The following ALK variants were observed in gnomAD, a reference collection of about 807,000 sequenced individuals.
ALK encodes ALK tyrosine kinase receptor.
In ALK, 74 loss-of-function variants were observed where a neutral mutation model predicts 163.1. That is an observed-to-expected ratio of 0.45 (90% CI 0.38 to 0.55). The LOEUF is 0.55. Among genes scored for constraint, ALK ranks in the 20% least tolerant of loss-of-function variants. ALK has a pLI of 0.00. For synonymous variants in ALK, 960 were observed against 843.2 expected (o/e 1.14, Z -2.40); for missense variants, 2,063 against 2,105.3 (o/e 0.98, Z 0.39).
intron 1 of ALK, among the ~76,000 whole-genome samples, chr2:29,860,299 G>A (rs113563258): frequency 1.9e-4 from 28 of 150,378 alleles, no homozygotes; most frequent in Admixed American, 2.0e-4. Context: ...AACTGCCTAC[G>A]TTAGCTCTTG....
At chr2:29,866,158 C>A (rs905350504) in intron 1 of ALK, among the ~76,000 whole-genome samples, 1 of 152,096 alleles carries the variant, frequency 6.6e-6, no homozygotes, top group Non-Finnish European at 1.5e-5. Flanking sequence ...GCAGACTGAC[C>A]CCAACCAGCC....
At chr2:29,644,396 A>G (rs1348692371) in intron 3 of ALK, among the ~76,000 whole-genome samples, 1 of 145,600 alleles carries the variant, frequency 6.9e-6, no homozygotes, top group Non-Finnish European at 1.5e-5. Context: ...CTTAAAGTAT[A>G]TTTAAAAAAA....
Position 29,666,316 on chromosome 2 carries a change from CT to C in ALK, c.952+28533del, listed in dbSNP as rs1282139025. On this transcript the variant is annotated intron_variant, in intron 3 of 28. Transcript: ENST00000389048. ...TACTAGATGGTCGTTTCTAGGGTCC[CT>C]TTTTTTTCTCCCCACTGCTTTGAAA... 3.3e-5 allele frequency among the ~76,000 whole-genome samples: 5 copies of C among 151,644 alleles called. 1 individual carries two copies. The East Asian group carries it at 7.8e-4, about 24-fold the overall frequency.
intron 1 of ALK, among the ~76,000 whole-genome samples, chr2:29,748,692 C>T (rs1294521370): frequency 6.6e-6 from 1 of 151,986 alleles, no homozygotes; most frequent in Non-Finnish European, 1.5e-5. Context: ...AATAGGTATC[C>T]CTCAGTGATT....
intron 1 of ALK, among the ~76,000 whole-genome samples, chr2:29,813,488 C>A (rs1664811252): frequency 6.6e-6 from 1 of 152,084 alleles, no homozygotes; most frequent in African/African-American, 2.4e-5. Flanking sequence ...CTCAAGGTTG[C>A]ATATTCTTGT....
intron 1 of ALK, among the ~76,000 whole-genome samples, chr2:29,887,289 A>G (rs1667009771): frequency 1.3e-5 from 2 of 152,218 alleles, no homozygotes; most frequent in Admixed American, 1.3e-4. Context: ...ATGCCTGACA[A>G]TCTAGCAAGA....
rs115732696 is a variant in ALK at position 29,501,929 on chromosome 2, T to C, written c.1154+29986A>G. On this transcript the variant is annotated intron_variant, in intron 4 of 28. Transcript: ENST00000389048. ...GGTGCCTCACATGAGTGGAATTGTATAGTATTTGTCTTTATGTGTCTGGTT... is the reference window on the plus strand; with the variant it reads ...GGTGCCTCACATGAGTGGAATTGTACAGTATTTGTCTTTATGTGTCTGGTT... Among the ~76,000 whole-genome samples, 983 of 152,352 alleles carry C rather than the reference T, an allele frequency of 6.5e-3. 17 individuals carry two copies. Among genetic ancestry groups the C allele is most frequent in the African/African-American group, 0.022 (921 of 41,578 alleles).
chr2:29,740,720 G>A (rs541203221), intron 1 of ALK, among the ~76,000 whole-genome samples: 2 of 152,312 alleles, frequency 1.3e-5, no homozygotes, highest in South Asian at 2.1e-4. Context: ...TGTGCTATTA[G>A]GCTAGGCGTG....
chr2:29,723,291 T>G (rs115691376), intron 1 of ALK, among the ~76,000 whole-genome samples: 2,457 of 152,304 alleles, frequency 0.016, 60 homozygotes, highest in African/African-American at 0.056. Context: ...GGCAGTTCTC[T>G]CAGCCGAGGA....
intron 5 of ALK, among the ~76,000 whole-genome samples, chr2:29,353,704 T>A (rs1485365514): frequency 6.6e-6 from 1 of 151,700 alleles, no homozygotes; most frequent in African/African-American, 2.4e-5. Context: ...GTGGAGAAGG[T>A]CATGATGAAG....
At chr2:29,259,304 G>T (rs1392886867) in intron 11 of ALK, among the ~76,000 whole-genome samples, 2 of 151,820 alleles carry the variant, frequency 1.3e-5, no homozygotes, top group African/African-American at 4.8e-5. Flanking sequence ...CTGTGATTTT[G>T]TGTACTGTAC....
At chr2:29,238,552 C>A (rs751387842) in intron 13 of ALK, among the ~76,000 whole-genome samples, 4 of 152,136 alleles carry the variant, frequency 2.6e-5, no homozygotes, top group African/African-American at 4.8e-5. Context: ...TGTCTAGACA[C>A]CATTTTTTCT....
chr2:29,566,012 G>A (rs1674176221), intron 3 of ALK, among the ~76,000 whole-genome samples: 1 of 152,174 alleles, frequency 6.6e-6, no homozygotes, highest in Non-Finnish European at 1.5e-5. Flanking sequence ...GTGTCAAGCT[G>A]TGGAAGGTCT....
Position 29,778,049 on chromosome 2 carries a change from G to A in ALK, c.668-60352C>T, listed in dbSNP as rs1271778774. Reference sequence around the variant, plus strand: ...CTCCAGGTAGGGAATTATTGCTGAGGAAGCTTACAAACACACCAGAATTAC... The same window carrying A: ...CTCCAGGTAGGGAATTATTGCTGAGAAAGCTTACAAACACACCAGAATTAC... On this transcript the variant is annotated intron_variant, in intron 1 of 28. Transcript: ENST00000389048. Among the ~76,000 whole-genome samples, 5 of 152,220 alleles carry A rather than the reference G, an allele frequency of 3.3e-5. No individual in the cohort carries two copies. The East Asian group carries it at 7.7e-4, about 23-fold the overall frequency.
At chr2:29,674,591 G>A (rs1162440673) in intron 3 of ALK, among the ~76,000 whole-genome samples, 4 of 150,802 alleles carry the variant, frequency 2.7e-5, no homozygotes, top group African/African-American at 7.3e-5. Flanking sequence ...ATTTTATTGA[G>A]GATTTTTGCA....
intron 1 of ALK, among the ~76,000 whole-genome samples, chr2:29,824,577 G>A (rs1318402794): frequency 2.0e-5 from 3 of 152,240 alleles, no homozygotes; most frequent in African/African-American, 7.2e-5. Context: ...ACGGAGTCAA[G>A]GGAGATCATT....
chr2:29,311,651 C>T (rs1666697632), intron 8 of ALK, among the ~76,000 whole-genome samples: 1 of 152,226 alleles, frequency 6.6e-6, no homozygotes, highest in Admixed American at 6.5e-5. Context: ...AGCTGTCCCA[C>T]TCCCAGGAGC....
At chr2:29,879,389 C>A (rs536247402) in intron 1 of ALK, among the ~76,000 whole-genome samples, 1 of 152,202 alleles carries the variant, frequency 6.6e-6, no homozygotes, top group East Asian at 1.9e-4. Context: ...AAAGGTCTTG[C>A]AAGGAAAAAA....
chr2:29,436,453 T>C (rs1303604196), intron 4 of ALK, among the ~76,000 whole-genome samples: 1 of 152,198 alleles, frequency 6.6e-6, no homozygotes, highest in South Asian at 2.1e-4. Context: ...CCAATACCTT[T>C]GCATCAAATT....
Sources: gnomAD v4.1 joint callset for allele counts (sites outside exome capture counted in the v4.1 genomes callset) on GRCh38, gnomAD v4.1.1 for gene constraint, MANE v1.5 for transcripts, NCBI Gene and HGNC (gene_info 2026-07-23, HGNC 2026-07-21) for gene names.